TRIM13: variants seen among roughly 807,000 people sequenced by gnomAD.
TRIM13 encodes E3 ubiquitin-protein ligase TRIM13.
TRIM13 carries 15 observed loss-of-function variants against 27.1 expected under a neutral mutation model. The observed-to-expected ratio is 0.55, with a 90% CI of 0.37 to 0.85. The LOEUF (loss-of-function observed/expected upper bound fraction) is 0.85, where lower values mean the gene tolerates loss of function less well. Among genes scored for constraint, TRIM13 ranks in the 40% least tolerant of loss-of-function variants. The pLI is 0.00. For synonymous variants in TRIM13, 193 were observed against 171.5 expected (o/e 1.13, Z -0.98); for missense variants, 402 against 472.2 (o/e 0.85, Z 1.38).
At chr13:50,007,607 C>A (rs960105770) in intron 1 of TRIM13, among the ~76,000 whole-genome samples, 3 of 150,716 alleles carry the variant, frequency 2.0e-5, no homozygotes, top group African/African-American at 4.9e-5. Flanking sequence ...ATGGTGAAAC[C>A]CCGTTTCTAC....
chr13:50,017,063 A>T lies in TRIM13; in HGVS notation c.*3899A>T, dbSNP rs754757944. On this transcript the variant is annotated 3_prime_UTR_variant, in exon 2 of 2. Transcript: ENST00000378182. ...TACATTTTATAACTTCCTGTCCTTC[A>T]AAAGAGTTTGAAATGTCATTTTGGG... is the stretch of plus-strand genomic sequence containing the variant. 1 of 167,008 alleles carries T rather than the reference A, an allele frequency of 6.0e-6. No homozygotes were observed. The highest frequency in any genetic ancestry group is 2.4e-5 in the African/African-American group (1 of 41,434). The allele number at this position is 167,008 out of a possible 1,614,324, so 10.3% of individuals were successfully genotyped here.
chr13:50,016,679 C>A lies in TRIM13; in HGVS notation c.*3515C>A. ...CTCCTGAGTCAATTCTTCACTTACT[C>A]CCTCTGTTGTTCTTGGCTGGATCCT... On this transcript the variant is annotated 3_prime_UTR_variant, in exon 2 of 2. Transcript: ENST00000378182. The A allele has an allele frequency of 6.0e-6, 1 of 167,192 alleles. No individual in the cohort carries two copies. 10.4% of individuals were successfully genotyped at this position (167,192 alleles called of 1,614,324 possible). A position where few individuals can be genotyped will look rare whatever the true frequency, so the allele number is the denominator to read the frequency against.
chr13:50,004,820 A>T (rs1874474848), intron 1 of TRIM13, among the ~76,000 whole-genome samples: 1 of 151,650 alleles, frequency 6.6e-6, no homozygotes, highest in African/African-American at 2.4e-5. Context: ...TCACGCCTGT[A>T]ATCCCAACAC....
At position 50,012,250 on chromosome 13, in the gene TRIM13, A is replaced by G; in HGVS notation, c.310A>G (p.Ile104Val). 1 of 1,614,096 alleles carries G rather than the reference A, an allele frequency of 6.2e-7. No individual in the cohort carries two copies. The highest frequency in any genetic ancestry group is 8.5e-7 in the Non-Finnish European group (1 of 1,180,002). ...AGGACACTTGGGGCAGCCTCTCAAC[A>G]TTTTCTGCCTGACTGATATGCAGCT... ...CKGHLGQPLN[I>V]FCLTDMQLIC... The change falls in exon 2 of 2, where the codon ATT becomes GTT. Residue 104 changes from isoleucine to valine, a missense_variant. By Grantham distance (29) the Ile-to-Val change is conservative. Around this residue, in one of 2 missense-constraint regions of TRIM13, gnomAD observed 202 missense variants for 277.5 expected, o/e 0.73. Transcript: ENST00000378182.
intron 1 of TRIM13, among the ~76,000 whole-genome samples, chr13:50,006,287 A>C (rs1237240649): frequency 6.6e-6 from 1 of 151,886 alleles, no homozygotes; most frequent in African/African-American, 2.4e-5. Flanking sequence ...TTTGCCTGAA[A>C]ATTCTTCTTG....
chr13:50,006,910 G>GT (rs1874792589), intron 1 of TRIM13, among the ~76,000 whole-genome samples: 1 of 152,136 alleles, frequency 6.6e-6, no homozygotes, highest in Non-Finnish European at 1.5e-5. Flanking sequence ...GCTGGGCGTG[G>GT]TGGCTCACAC....
chr13:50,016,000 A>G lies in TRIM13; in HGVS notation c.*2836A>G. Reference sequence around the variant, plus strand: ...TGACCTTACTTCCACTGCCTCCACAAAGACCTTCTTACCATGACCTGGTTT... The same window carrying G: ...TGACCTTACTTCCACTGCCTCCACAGAGACCTTCTTACCATGACCTGGTTT... On this transcript the variant is annotated 3_prime_UTR_variant, in exon 2 of 2. Transcript: ENST00000378182. The G allele has an allele frequency of 6.2e-7, 1 of 1,614,082 alleles. No individual in the cohort carries two copies.
Sources: allele counts gnomAD v4.1 joint callset (sites outside exome capture counted in the v4.1 genomes callset), GRCh38; gene constraint gnomAD v4.1.1; regional missense constraint gnomAD v4.1.1; transcripts MANE v1.5; gene names NCBI Gene and HGNC (gene_info 2026-07-23, HGNC 2026-07-21).